The following LMF1 variants were observed in gnomAD, a reference collection of about 807,000 sequenced individuals.
LMF1 encodes the protein transmembrane protein 112.
A neutral mutation model predicts 60.6 loss-of-function variants in LMF1; 68 were observed. That is an observed-to-expected ratio of 1.12 (90% CI 0.92 to 1.37). The LOEUF (loss-of-function observed/expected upper bound fraction) is 1.37, where lower values mean the gene tolerates loss of function less well. Ranked by LOEUF, LMF1 falls within the 40% of genes most tolerant of loss-of-function variation. LMF1 has a pLI of 0.00. For synonymous variants in LMF1, 418 were observed against 324.7 expected (o/e 1.29, Z -3.09); for missense variants, 948 against 767.2 (o/e 1.24, Z -2.78).
In LMF1 at chr16:874,726, G is replaced by C. The variant is rs1349653509; in HGVS notation, c.898-3385C>G. 1.3e-5 allele frequency among the ~76,000 whole-genome samples: 2 copies of C among 151,680 alleles called. No individual in the cohort carries two copies. Among genetic ancestry groups the C allele is most frequent in the South Asian group, 2.1e-4 (1 of 4,796 alleles). Reference sequence around the variant, plus strand: ...AACACACGGAACCAGGACGGGATCCGGGGAGGCGGCGCTCAGATGGGAACA... The same window carrying C: ...AACACACGGAACCAGGACGGGATCCCGGGAGGCGGCGCTCAGATGGGAACA... On this transcript the variant is annotated intron_variant, in intron 6 of 10. Coordinates refer to ENST00000262301, the MANE Select transcript of LMF1 (RefSeq NM_022773.4). This position sits in a 1 kb window ranked among gnomAD's most constrained non-coding sequence, Gnocchi z 4.1.
intron 3 of LMF1, among the ~76,000 whole-genome samples, chr16:914,212 C>A (rs73497290): frequency 0.069 from 10,546 of 152,068 alleles, 421 homozygotes; most frequent in Non-Finnish European, 0.088. Flanking sequence ...GCAACCTGGG[C>A]AGTCCCTGAC....
chr16:942,154 G>T (rs2072115813), intron 2 of LMF1, among the ~76,000 whole-genome samples: 1 of 152,188 alleles, frequency 6.6e-6, no homozygotes, highest in African/African-American at 2.4e-5. Flanking sequence ...TTTTGCTTTT[G>T]TTTTTGAAGG....
chr16:924,742 C>A (rs1271679237), intron 3 of LMF1, among the ~76,000 whole-genome samples: 1 of 152,204 alleles, frequency 6.6e-6, no homozygotes, highest in Non-Finnish European at 1.5e-5. Context: ...AAATGATAAA[C>A]CACTTTCTCC....
chr16:917,038 C>T (rs888632339), intron 3 of LMF1, among the ~76,000 whole-genome samples: 1 of 152,224 alleles, frequency 6.6e-6, no homozygotes, highest in African/African-American at 2.4e-5. Context: ...GATGGAGACG[C>T]CACCCAGGGG....
intron 1 of LMF1, among the ~76,000 whole-genome samples, chr16:963,624 T>TTGGTGCTAGGCTGGGGCCCCTTTCCC (rs1567330659): frequency 5.3e-5 from 8 of 152,024 alleles, no homozygotes; most frequent in Non-Finnish European, 5.9e-5. Context: ...CCAGCCTTCA[T>TTGGTGCTAGGCTGGGGCCCCTTTCCC]TGGTGCTAGG....
At chr16:941,595 T>C in intron 2 of LMF1, among the ~76,000 whole-genome samples, 1 of 152,350 alleles carries the variant, frequency 6.6e-6, no homozygotes, top group Non-Finnish European at 1.5e-5. Flanking sequence ...ATATGGCTCA[T>C]TGGTTATTTT....
rs148889524 is a variant in LMF1 at position 865,881 on chromosome 16, G to A, written c.1529+3063C>T. On this transcript the variant is annotated intron_variant, in intron 10 of 10. Transcript: ENST00000262301. Reference sequence around the variant, plus strand: ...CTTGTTCCCACTGGGTACTTTCTATGTTTAAGTTTATTGATTCTTTCCTCT... The same window carrying A: ...CTTGTTCCCACTGGGTACTTTCTATATTTAAGTTTATTGATTCTTTCCTCT... Among the ~76,000 whole-genome samples, 167 of 152,192 alleles carry A rather than the reference G, an allele frequency of 1.1e-3. 1 individual carries two copies. Among genetic ancestry groups the A allele is most frequent in the Non-Finnish European group, 1.4e-3 (98 of 67,992 alleles).
intron 1 of LMF1, among the ~76,000 whole-genome samples, chr16:957,683 T>C (rs763772882): frequency 2.6e-5 from 4 of 152,064 alleles, no homozygotes; most frequent in Non-Finnish European, 4.4e-5. Flanking sequence ...CAAGACTTAC[T>C]AAAAAGCTAA....
intron 5 of LMF1, among the ~76,000 whole-genome samples, chr16:889,396 G>A (rs937496411): frequency 4.1e-5 from 6 of 147,134 alleles, no homozygotes; most frequent in African/African-American, 1.6e-4. Context: ...GGCCGTGGGT[G>A]TGAGGCTGTG....
intron 2 of LMF1, among the ~76,000 whole-genome samples, chr16:942,829 C>A (rs1412399451): frequency 1.3e-5 from 2 of 152,186 alleles, no homozygotes; most frequent in African/African-American, 4.8e-5. Flanking sequence ...TGTGTCCTCT[C>A]TCTGTGGGGC....
chr16:873,538 C>T (rs1221390220), intron 6 of LMF1: 2 of 151,786 alleles, frequency 1.3e-5, no homozygotes, highest in Non-Finnish European at 2.9e-5. Flanking sequence ...TGTCAGCTGC[C>T]ACGGAGAACA....
upstream of LMF1, among the ~76,000 whole-genome samples, chr16:971,929 C>A (rs942675245): frequency 5.9e-5 from 9 of 152,192 alleles, no homozygotes; most frequent in Non-Finnish European, 5.9e-5. Context: ...AAATATTTGT[C>A]CTGGTTTTTT....
upstream of LMF1, among the ~76,000 whole-genome samples, chr16:972,930 C>T (rs1023310628): frequency 6.6e-6 from 1 of 152,184 alleles, no homozygotes; most frequent in African/African-American, 2.4e-5. Context: ...CCATCCACTG[C>T]CCAGAATGGC....
At chr16:860,547 C>T (rs1184973913) in intron 10 of LMF1, among the ~76,000 whole-genome samples, 9 of 152,006 alleles carry the variant, frequency 5.9e-5, no homozygotes, top group Non-Finnish European at 1.3e-4. Context: ...TGCCACGTTG[C>T]TCAGGCTGGT....
At chr16:955,470 T>TAC (rs60310299) in intron 1 of LMF1, among the ~76,000 whole-genome samples, 2,123 of 53,574 alleles carry the variant, frequency 0.04, 256 homozygotes, top group Middle Eastern at 0.13. Flanking sequence ...GGTGTGTGCA[T>TAC]ACACACACAC....
chr16:887,362 A>C lies in LMF1; in HGVS notation c.729+5645T>G, dbSNP rs966242006. On this transcript the variant is annotated intron_variant, in intron 5 of 10. Transcript: ENST00000262301. ...TGCCTGACACGGGGATGCACCAGCC[A>C]CAAGATACACTGCGTGGAAGCTGGC... 9.2e-5 allele frequency among the ~76,000 whole-genome samples: 14 copies of C among 152,210 alleles called. 1 individual carries two copies. The highest frequency in any genetic ancestry group is 3.4e-4 in the African/African-American group (14 of 41,450).
chr16:853,749 T>A lies in LMF1; in HGVS notation c.*783A>T, dbSNP rs935428078. 2.0e-5 allele frequency: 9 copies of A among 453,956 alleles called. No individual in the cohort carries two copies. Among genetic ancestry groups the A allele is most frequent in the Non-Finnish European group, 3.5e-5 (8 of 226,780 alleles). 28.1% of individuals were successfully genotyped at this position (453,956 alleles called of 1,614,324 possible). A position where few individuals can be genotyped will look rare whatever the true frequency, so the allele number is the denominator to read the frequency against. On this transcript the variant is annotated 3_prime_UTR_variant, in exon 11 of 11. Transcript: ENST00000262301. Reference sequence around the variant, plus strand: ...GTAGACGCTGTTTGTCCGACGATGATGAAAGTGTGCACGGCCGGCTGTCCT... The same window carrying A: ...GTAGACGCTGTTTGTCCGACGATGAAGAAAGTGTGCACGGCCGGCTGTCCT...
rs993193282 is a variant in LMF1, at chr16:892,987, A to C, written c.729+20T>G. Reference sequence around the variant, plus strand: ...GCGTGAGACCGGGTGCCCTGCCCTCACGCTGCACGGCACGCTCACCTCATA... The same window carrying C: ...GCGTGAGACCGGGTGCCCTGCCCTCCCGCTGCACGGCACGCTCACCTCATA... On this transcript the variant is annotated intron_variant, in intron 5 of 10. Coordinates refer to ENST00000262301, the MANE Select transcript of LMF1 (RefSeq NM_022773.4). 3 of 1,535,878 alleles carry C rather than the reference A, an allele frequency of 2.0e-6. No individual in the cohort carries two copies. The highest frequency in any genetic ancestry group is 2.5e-5 in the East Asian group (1 of 40,532).
intron 1 of LMF1, chr16:981,114 C>A: frequency 2.4e-6 from 1 of 413,514 alleles, no homozygotes; most frequent in South Asian, 1.7e-5. Context: ...GGTCCCCCAG[C>A]TCCGAGCCGC....
Sources: gnomAD v4.1 joint callset for allele counts (sites outside exome capture counted in the v4.1 genomes callset) on GRCh38, gnomAD v4.1.1 for gene constraint, Gnocchi (gnomAD v3.1) non-coding constraint, MANE v1.5 for transcripts, NCBI Gene and HGNC (gene_info 2026-07-23, HGNC 2026-07-21) for gene names.